COL4A6: variants seen among roughly 807,000 people sequenced by gnomAD.
The protein encoded by COL4A6 is collagen alpha-6(IV) chain.
A neutral mutation model predicts 126.7 loss-of-function variants in COL4A6; 59 were observed. That is an observed-to-expected ratio of 0.47 (90% CI 0.38 to 0.58). The LOEUF (loss-of-function observed/expected upper bound fraction) is 0.58, where lower values mean the gene tolerates loss of function less well. Ranked by LOEUF, COL4A6 falls within the 20% of genes least tolerant of loss-of-function variation. The pLI, the probability that COL4A6 is intolerant of heterozygous loss-of-function variation, is 0.00. For synonymous variants in COL4A6, 547 were observed against 496.6 expected (o/e 1.10, Z -1.35); for missense variants, 1,285 against 1,337.3 (o/e 0.96, Z 0.61).
intron 3 of COL4A6, among the ~76,000 whole-genome samples, chrX:108,238,768 G>A (rs780591024): frequency 9.0e-6 from 1 of 110,743 alleles, no homozygotes; most frequent in African/African-American, 3.3e-5. Flanking sequence ...ACCAATGAGT[G>A]CTGTCAGATT....
At chrX:108,358,620 C>A (rs1393889112) in intron 2 of COL4A6, among the ~76,000 whole-genome samples, 1 of 111,335 alleles carries the variant, frequency 9.0e-6, no homozygotes. Flanking sequence ...GTCTCGAACT[C>A]CTGAACTCAG....
chrX:108,298,774 G>C (rs763755535), intron 3 of COL4A6, among the ~76,000 whole-genome samples: 1 of 109,537 alleles, frequency 9.1e-6, no homozygotes, highest in Non-Finnish European at 1.9e-5. Context: ...AGGCTCTGGT[G>C]CCTCCAAGGG....
At chrX:108,291,596 T>C (rs948923882) in intron 3 of COL4A6, among the ~76,000 whole-genome samples, 4 of 111,407 alleles carry the variant, frequency 3.6e-5, no homozygotes, top group African/African-American at 1.3e-4. Flanking sequence ...TATCTTCACT[T>C]ATAAATCTTT....
intron 2 of COL4A6, among the ~76,000 whole-genome samples, chrX:108,412,489 G>A (rs1483317860): frequency 8.9e-5 from 10 of 112,007 alleles, no homozygotes; most frequent in Non-Finnish European, 1.7e-4. Context: ...GAAGGAAGAA[G>A]CATAGGTGAG....
chrX:108,162,155 G>A (rs1464898661), intron 41 of COL4A6, among the ~76,000 whole-genome samples: 1 of 111,605 alleles, frequency 9.0e-6, no homozygotes, highest in Non-Finnish European at 1.9e-5. Flanking sequence ...TTCGAGACCA[G>A]CCTGGCCAAC....
chrX:108,179,120 A>T, intron 26 of COL4A6, 97 bp downstream of exon 26: 1 of 863,175 alleles, frequency 1.2e-6, no homozygotes, highest in South Asian at 2.6e-5. Context: ...CCCTTAATTA[A>T]ACCATCACCC....
At chrX:108,390,112 G>C (rs1417938080) in intron 2 of COL4A6, among the ~76,000 whole-genome samples, 2 of 111,828 alleles carry the variant, frequency 1.8e-5, no homozygotes, top group Admixed American at 9.5e-5. Context: ...TTAGTCTGAA[G>C]GGGTTCCCTT....
chrX:108,425,046 A>T (rs1198640013), intron 2 of COL4A6, among the ~76,000 whole-genome samples: 1 of 111,257 alleles, frequency 9.0e-6, no homozygotes, highest in Non-Finnish European at 1.9e-5. Context: ...AAATAAATAA[A>T]TAACATATTT....
intron 3 of COL4A6, among the ~76,000 whole-genome samples, chrX:108,244,775 T>C (rs559867399): frequency 1.8e-5 from 2 of 111,518 alleles, no homozygotes; most frequent in African/African-American, 6.5e-5. Flanking sequence ...CATGAAAATA[T>C]CTAACAATTT....
intron 2 of COL4A6, among the ~76,000 whole-genome samples, chrX:108,313,952 G>A (rs756699808): frequency 4.9e-4 from 55 of 111,804 alleles, no homozygotes; most frequent in Non-Finnish European, 7.3e-4. Flanking sequence ...GATCGTGGGT[G>A]GGGGGCAGGA....
chrX:108,388,956 C>T (rs1384085807), intron 2 of COL4A6, among the ~76,000 whole-genome samples: 1 of 111,432 alleles, frequency 9.0e-6, no homozygotes, highest in Non-Finnish European at 1.9e-5. Flanking sequence ...TGATTTCTGC[C>T]TTCATTTCGT....
At chrX:108,408,105 G>A (rs1051883619) in intron 2 of COL4A6, among the ~76,000 whole-genome samples, 1 of 111,143 alleles carries the variant, frequency 9.0e-6, no homozygotes, top group Non-Finnish European at 1.9e-5. Context: ...GAGTCCAGGA[G>A]TTCAAGACCA....
chrX:108,185,135 T>C (rs1339140886), intron 23 of COL4A6, among the ~76,000 whole-genome samples: 1 of 111,576 alleles, frequency 9.0e-6, no homozygotes, highest in Non-Finnish European at 1.9e-5. Context: ...TTCACATCTG[T>C]AATCCCAGCA....
chrX:108,394,507 G>T (rs1358657340), intron 2 of COL4A6, among the ~76,000 whole-genome samples: 1 of 111,279 alleles, frequency 9.0e-6, no homozygotes, highest in African/African-American at 3.3e-5. Flanking sequence ...AAAGATGGGA[G>T]GGGTATCTTT....
intron 2 of COL4A6, among the ~76,000 whole-genome samples, chrX:108,351,691 C>G (rs2039851754): frequency 1.8e-5 from 2 of 111,181 alleles, no homozygotes; most frequent in African/African-American, 6.5e-5. Context: ...GGAAGCTTTG[C>G]TTGTAGAGGC....
chrX:108,389,930 A>G (rs1339303881), intron 2 of COL4A6, among the ~76,000 whole-genome samples: 1 of 111,471 alleles, frequency 9.0e-6, no homozygotes. Context: ...CCCGGTGGTG[A>G]CAAAATCTCT....
In COL4A6 at chrX:108,164,930, C is replaced by T. The variant is rs1022981436; in HGVS notation, c.3917G>A (p.Gly1306Glu). ...AGAAAAACCTGGAATTCCTTGGTCT[C>T]CCTTAGGCCCTTTAGGTCCAGGAAT... The part of the protein sequence containing the change: ...PGIPGPKGPK[G>E]DQGIPGFSGL... The change falls in exon 39 of 45, where the codon GGA (glycine) becomes GAA (glutamate). Residue 1306 changes from glycine (G) to glutamate (E), a missense_variant. Physicochemically the swap from Gly to Glu is moderately conservative, Grantham distance 98. Coordinates refer to ENST00000334504, the MANE Select transcript of COL4A6 (RefSeq NM_033641.4). The T allele has an allele frequency of 5.8e-6, 7 of 1,210,678 alleles. No homozygotes were observed. The highest frequency in any genetic ancestry group is 7.8e-6 in the Non-Finnish European group (7 of 895,092).
chrX:108,237,112 C>T (rs1407253619), intron 3 of COL4A6, among the ~76,000 whole-genome samples: 3 of 111,569 alleles, frequency 2.7e-5, no homozygotes, highest in Non-Finnish European at 5.6e-5. Context: ...ATAACCAAAA[C>T]CTAGCTCAGT....
chrX:108,422,887 T>C (rs1243604409), intron 2 of COL4A6, among the ~76,000 whole-genome samples: 2 of 111,449 alleles, frequency 1.8e-5, no homozygotes, highest in Non-Finnish European at 3.8e-5. Context: ...CCAGTAGTCC[T>C]AGGTTGGGGT....
Sources: allele counts gnomAD v4.1 joint callset (sites outside exome capture counted in the v4.1 genomes callset), GRCh38; gene constraint gnomAD v4.1.1; transcripts MANE v1.5; gene names NCBI Gene and HGNC (gene_info 2026-07-23, HGNC 2026-07-21).